MALRD1: variants seen among roughly 807,000 people sequenced by gnomAD.
The protein encoded by MALRD1 is MAM and LDL receptor class A domain containing 1.
A neutral mutation model predicts 242.1 loss-of-function variants in MALRD1; 247 were observed. The observed-to-expected ratio is 1.02, with a 90% confidence interval of 0.92 to 1.13. MALRD1 has a LOEUF of 1.13. MALRD1 is among the 50% of genes most tolerant of loss of function. MALRD1 has a pLI of 0.00. For synonymous variants in MALRD1, 995 were observed against 866.6 expected, an observed-to-expected ratio of 1.15 and a Z score of -2.60; for missense variants, 2,989 against 2,533.1, an observed-to-expected ratio of 1.18 and a Z score of -3.86.
rs540562227 is a variant in MALRD1 at position 19,103,290 on chromosome 10, G to A, written c.598-689G>A. 4.6e-5 allele frequency among the ~76,000 whole-genome samples: 7 copies of A among 152,058 alleles called. No homozygotes were observed. The South Asian group carries it at 1.3e-3, about 27-fold the overall frequency. ...AAGATTTAGAGAACCGGCCAGGTGC[G>A]GTGGCTCAAGCCTGTAATCCCAACA... On this transcript the variant is annotated intron_variant, in intron 4 of 39. Coordinates refer to ENST00000454679, the MANE Select transcript of MALRD1 (RefSeq NM_001142308.3).
intron 4 of MALRD1, among the ~76,000 whole-genome samples, chr10:19,095,032 C>G (rs1835972036): frequency 6.6e-6 from 1 of 151,822 alleles, no homozygotes; most frequent in Admixed American, 6.6e-5. Context: ...CAATTTAACC[C>G]AAGTTGGTTT....
rs558650876 is a variant in MALRD1, at chr10:19,277,336, AC to A, written c.3080-2707del. On this transcript the variant is annotated intron_variant, in intron 19 of 39. Coordinates refer to ENST00000454679, the MANE Select transcript of MALRD1 (RefSeq NM_001142308.3). The stretch of plus-strand genomic sequence containing the variant: ...ACAATCTATTAATCATTTCAAACTC[AC>A]CCCTAAGGGATCAGAATACTATTTC... 7.6e-4 allele frequency among the ~76,000 whole-genome samples: 116 copies of A among 152,132 alleles called. 1 individual carries two copies. The highest frequency in any genetic ancestry group is 2.6e-3 in the African/African-American group (108 of 41,512).
At chr10:19,283,895 G>A (rs544638866) in intron 21 of MALRD1, among the ~76,000 whole-genome samples, 15 of 152,266 alleles carry the variant, frequency 9.9e-5, no homozygotes, top group East Asian at 1.9e-4. Flanking sequence ...AGAAATAAAC[G>A]AGTGACTGAA....
intron 24 of MALRD1, among the ~76,000 whole-genome samples, chr10:19,334,577 C>A (rs2130932637): frequency 6.6e-6 from 1 of 152,128 alleles, no homozygotes; most frequent in African/African-American, 2.4e-5. Context: ...AAAACTTATT[C>A]TTTACAGTTA....
At chr10:19,601,650 G>A (rs1413823507) in intron 34 of MALRD1, among the ~76,000 whole-genome samples, 1 of 151,806 alleles carries the variant, frequency 6.6e-6, no homozygotes, top group Non-Finnish European at 1.5e-5. Flanking sequence ...TTTTTAATGT[G>A]TTTTAACTGT....
rs71388849 is a variant in MALRD1, at chr10:19,543,433, C to CTTT, written c.5478+12098_5478+12100dup. Among the ~76,000 whole-genome samples the CTTT allele has an allele frequency of 1.0e-4, 11 of 106,434 alleles. No homozygotes were observed. In the East Asian group the frequency reaches 1.1e-3, roughly 11 times the overall value. 69.8% of individuals were successfully genotyped at this position (106,434 alleles called of 152,430 possible). Reference sequence around the variant, plus strand: ...TGTAAAAATCATGCCCAGCTGATTTCTTTTTTTTTTTTTTTTTTGAGAGAG... The same window carrying CTTT: ...TGTAAAAATCATGCCCAGCTGATTTCTTTTTTTTTTTTTTTTTTTTTGAGAGAG... On this transcript the variant is annotated intron_variant, in intron 32 of 39. Transcript: ENST00000454679.
chr10:19,402,043 C>G (rs958161055), intron 28 of MALRD1, among the ~76,000 whole-genome samples: 1 of 152,188 alleles, frequency 6.6e-6, no homozygotes, highest in African/African-American at 2.4e-5. Context: ...ATCTAAAATT[C>G]TGCTCCCTCA....
chr10:19,261,130 T>C (rs1839728116), intron 19 of MALRD1, among the ~76,000 whole-genome samples: 1 of 152,090 alleles, frequency 6.6e-6, no homozygotes, highest in Non-Finnish European at 1.5e-5. Flanking sequence ...CCATTGAAAC[T>C]ATTGTTGCCC....
At position 19,734,217 on chromosome 10, in the gene MALRD1, C is replaced by T; in HGVS notation, c.6451C>T (p.Leu2151=). 1.3e-6 allele frequency: 2 copies of T among 1,535,906 alleles called. No individual in the cohort carries two copies. The highest frequency in any genetic ancestry group is 1.7e-6 in the Non-Finnish European group (2 of 1,146,702). ...YGTTSGSLET[L]SHHLK ...CACAACATCAGGAAGCCTGGAGACC[C>T]TGTCACATCATCTCAAATAGCAGCA... The change falls in exon 40 of 40, where the codon CTG becomes TTG. Residue 2151 remains leucine, a synonymous_variant. Transcript: ENST00000454679.
At chr10:19,103,047 C>T (rs1379697102) in intron 4 of MALRD1, among the ~76,000 whole-genome samples, 2 of 151,770 alleles carry the variant, frequency 1.3e-5, no homozygotes, top group East Asian at 3.9e-4. Flanking sequence ...CGGGGTTTCA[C>T]CATGTTTGCC....
intron 4 of MALRD1, among the ~76,000 whole-genome samples, chr10:19,101,450 A>G (rs1253895894): frequency 7.1e-6 from 1 of 140,304 alleles, no homozygotes; most frequent in Non-Finnish European, 1.5e-5. Flanking sequence ...ATTACATATT[A>G]TATAATTTAT....
chr10:19,416,945 A>G (rs1047162278), intron 28 of MALRD1, among the ~76,000 whole-genome samples: 5 of 152,164 alleles, frequency 3.3e-5, no homozygotes, highest in African/African-American at 1.2e-4. Context: ...GTTTCATCTC[A>G]CCAACAGGTG....
intron 12 of MALRD1, among the ~76,000 whole-genome samples, chr10:19,155,736 A>G (rs1834119217): frequency 6.6e-6 from 1 of 152,210 alleles, no homozygotes; most frequent in African/African-American, 2.4e-5. Flanking sequence ...TGTCTACACC[A>G]GAAACATACA....
chr10:19,435,969 A>G (rs1379038103), intron 28 of MALRD1, among the ~76,000 whole-genome samples: 1 of 152,182 alleles, frequency 6.6e-6, no homozygotes, highest in African/African-American at 2.4e-5. Context: ...AATGTGGGTT[A>G]TAATTCAATA....
chr10:19,298,042 T>C (rs112741736), intron 21 of MALRD1, among the ~76,000 whole-genome samples: 4,132 of 152,132 alleles, frequency 0.027, 94 homozygotes, highest in South Asian at 0.069. Context: ...GACTGAATAA[T>C]ATATAAATGA....
chr10:19,537,799 C>T (rs1834756697), intron 32 of MALRD1, among the ~76,000 whole-genome samples: 1 of 152,108 alleles, frequency 6.6e-6, no homozygotes, highest in Admixed American at 6.6e-5. Flanking sequence ...GATCTTGTCC[C>T]TCCTGTAGGC....
intron 31 of MALRD1, among the ~76,000 whole-genome samples, chr10:19,499,145 C>A (rs1157242641): frequency 6.6e-6 from 1 of 152,098 alleles, no homozygotes; most frequent in Non-Finnish European, 1.5e-5. Flanking sequence ...ACAAGTGTTG[C>A]TTTCTGCCCT....
intron 24 of MALRD1, among the ~76,000 whole-genome samples, chr10:19,343,313 A>T (rs896374259): frequency 6.6e-6 from 1 of 152,048 alleles, no homozygotes; most frequent in African/African-American, 2.4e-5. Flanking sequence ...CCCTTCATGC[A>T]TTTTTCCCTC....
chr10:19,603,603 A>G (rs550902440), intron 34 of MALRD1, among the ~76,000 whole-genome samples: 105 of 152,210 alleles, frequency 6.9e-4, no homozygotes, highest in South Asian at 1.5e-3. Flanking sequence ...ATAGCCTTGT[A>G]GTATAGTTTG....
Sources: allele counts gnomAD v4.1 joint callset (sites outside exome capture counted in the v4.1 genomes callset), GRCh38; gene constraint gnomAD v4.1.1; transcripts MANE v1.5; gene names NCBI Gene and HGNC (gene_info 2026-07-23, HGNC 2026-07-21).